The following RLF variants were observed in gnomAD, a reference collection of about 807,000 sequenced individuals.
RLF encodes RLF zinc finger.
Under a neutral mutation model 162.9 loss-of-function variants are expected in RLF, and 7 were observed. The observed-to-expected ratio is 0.04, with a 90% CI of 0.02 to 0.08. The LOEUF (loss-of-function observed/expected upper bound fraction) is 0.08. Ranked by LOEUF, RLF falls within the 10% of genes least tolerant of loss-of-function variation. The probability of loss-of-function intolerance (pLI) is 1.00; values close to 1 mark genes in which losing one functional copy is unlikely to be tolerated. For synonymous variants in RLF, 782 were observed against 791.5 expected (o/e 0.99, Z 0.20); for missense variants, 1,664 against 2,244.7 (o/e 0.74, Z 5.23).
In RLF at chr1:40,240,188, A is replaced by C. The variant is rs1228897977; in HGVS notation, c.5486A>C (p.His1829Pro). ...AGTGAACCTGAAGTTGACATACCTCATTCTTCCAGTGACTCTACAATTCAT... is the reference window on the plus strand; with the variant it reads ...AGTGAACCTGAAGTTGACATACCTCCTTCTTCCAGTGACTCTACAATTCAT... The part of the protein sequence containing the change: ...NDSEPEVDIP[H>P]SSSDSTIHEN... Residue 1829 changes from histidine to proline, a missense_variant, in exon 8 of 8, where the codon CAT (histidine) becomes CCT (proline). This residue lies in a region of RLF where 327 missense variants were observed against 342.7 expected (regional missense o/e 0.95). Transcript: ENST00000372771. 20 of 1,614,076 alleles carry C rather than the reference A, an allele frequency of 1.2e-5. No homozygotes were observed. The highest frequency in any genetic ancestry group is 1.7e-5 in the Non-Finnish European group (20 of 1,180,038).
chr1:40,167,672 T>C (rs1289800131), intron 1 of RLF, among the ~76,000 whole-genome samples: 1 of 151,750 alleles, frequency 6.6e-6, no homozygotes, highest in Non-Finnish European at 1.5e-5. Context: ...AAAATAGCAC[T>C]TCCCTATTGC....
chr1:40,171,934 A>G (rs570117376), intron 1 of RLF, among the ~76,000 whole-genome samples: 1 of 152,300 alleles, frequency 6.6e-6, no homozygotes, highest in African/African-American at 2.4e-5. Flanking sequence ...GCATATCTAT[A>G]GAATTTTTCT....
intron 5 of RLF, among the ~76,000 whole-genome samples, chr1:40,221,087 T>G (rs1293065944): frequency 6.6e-6 from 1 of 152,002 alleles, no homozygotes; most frequent in African/African-American, 2.4e-5. Flanking sequence ...GAGCCGTGAT[T>G]ACCCTAACTG....
chr1:40,239,017 C>A lies in RLF; in HGVS notation c.4315C>A (p.His1439Asn). ...MEQHNIEGEI[H>N]SDYEIHCDLN... ...ACAGCATAATATTGAAGGGGAAATA[C>A]ATTCAGATTATGAAATTCATTGTGA... The change falls in exon 8 of 8, where the codon CAT (histidine) becomes AAT (asparagine). Residue 1439 changes from histidine to asparagine, a missense_variant. Coordinates refer to ENST00000372771, the MANE Select transcript of RLF (RefSeq NM_012421.4). 6.2e-7 allele frequency: 1 copy of A among 1,614,070 alleles called. No individual in the cohort carries two copies. Among genetic ancestry groups the A allele is most frequent in the East Asian group, 2.2e-5 (1 of 44,900 alleles).
intron 5 of RLF, among the ~76,000 whole-genome samples, chr1:40,210,351 C>A (rs1642850142): frequency 6.6e-6 from 1 of 152,040 alleles, no homozygotes; most frequent in Admixed American, 6.6e-5. Context: ...TGAATTGGAG[C>A]TTTAAGTAAT....
intron 4 of RLF, among the ~76,000 whole-genome samples, chr1:40,199,790 T>C (rs1049372985): frequency 6.6e-6 from 1 of 152,056 alleles, no homozygotes; most frequent in African/African-American, 2.4e-5. Context: ...GCAGGCAGAA[T>C]AGGATATAGG....
intron 5 of RLF, among the ~76,000 whole-genome samples, chr1:40,217,862 A>G (rs1642945719): frequency 6.6e-6 from 1 of 152,220 alleles, no homozygotes; most frequent in Non-Finnish European, 1.5e-5. Context: ...CCAGCATAGT[A>G]TCACCTTTCT....
At position 40,202,503 on chromosome 1, in the gene RLF, T is replaced by C. The variant is rs1159212517; in HGVS notation, c.699T>C (p.Ala233=). 6.3e-7 allele frequency: 1 copy of C among 1,580,324 alleles called. No homozygotes were observed. Among genetic ancestry groups the C allele is most frequent in the East Asian group, 2.3e-5 (1 of 43,498 alleles). ...CTAACTGCATCCCCCAGGCTACTGC[T>C]TTATCAAAACTATGTGCAGAATCTA... ...LKSNCIPQAT[A]LSKLCAESKE... The change falls in exon 5 of 8, where the codon GCT becomes GCC. Residue 233 remains alanine (A), a synonymous_variant. Transcript: ENST00000372771.
At chr1:40,206,378 A>G (rs948166881) in intron 5 of RLF, among the ~76,000 whole-genome samples, 4 of 152,146 alleles carry the variant, frequency 2.6e-5, no homozygotes, top group African/African-American at 9.7e-5. Flanking sequence ...TTGGTGTACT[A>G]CCAGTAATAT....
At position 40,161,590 on chromosome 1, in the gene RLF, A is replaced by G. The variant is rs759973525; in HGVS notation, c.191A>G (p.Glu64Gly). ...CTGGAGACAGAGCTGAGGGAGCAAGAGGTGTCGGAGGTCTCATCTTTGAAC... is the reference window on the plus strand; with the variant it reads ...CTGGAGACAGAGCTGAGGGAGCAAGGGGTGTCGGAGGTCTCATCTTTGAAC... ...WQLETELREQ[E>G]VSEVSSLNYC... is the part of the protein sequence containing the mutation. Residue 64 changes from glutamate (E) to glycine (G), a missense_variant, in exon 1 of 8, where the codon GAG becomes GGG. This residue lies in a region of RLF where 134 missense variants were observed against 124.3 expected (regional missense o/e 1.08). Coordinates refer to ENST00000372771, the MANE Select transcript of RLF (RefSeq NM_012421.4). This position sits in a 1 kb window ranked among gnomAD's most constrained non-coding sequence, Gnocchi z 4.4. 6.2e-7 allele frequency: 1 copy of G among 1,612,648 alleles called. No homozygotes were observed. Among genetic ancestry groups the G allele is most frequent in the Middle Eastern group, 1.7e-4 (1 of 6,036 alleles).
chr1:40,202,128 A>G (rs957202768), intron 4 of RLF, among the ~76,000 whole-genome samples: 2 of 152,182 alleles, frequency 1.3e-5, no homozygotes, highest in Non-Finnish European at 2.9e-5. Flanking sequence ...AAAAATATGC[A>G]GCTTAAAACT....
At chr1:40,221,133 T>TA (rs1042498906) in intron 5 of RLF, among the ~76,000 whole-genome samples, 4 of 151,818 alleles carry the variant, frequency 2.6e-5, no homozygotes, top group African/African-American at 4.8e-5. Context: ...GACACTGTCT[T>TA]AAAAAAACTA....
At chr1:40,172,837 C>T (rs1642264430) in intron 1 of RLF, among the ~76,000 whole-genome samples, 1 of 152,024 alleles carries the variant, frequency 6.6e-6, no homozygotes, top group Non-Finnish European at 1.5e-5. Context: ...CTATCCTGGG[C>T]AACAGAGCGA....
At chr1:40,208,877 T>C (rs1642831981) in intron 5 of RLF, among the ~76,000 whole-genome samples, 1 of 152,176 alleles carries the variant, frequency 6.6e-6, no homozygotes, top group African/African-American at 2.4e-5. Flanking sequence ...ATGATATTAC[T>C]GGCGCATAGT....
chr1:40,209,000 A>G (rs1163020380), intron 5 of RLF, among the ~76,000 whole-genome samples: 2 of 152,112 alleles, frequency 1.3e-5, no homozygotes, highest in Non-Finnish European at 2.9e-5. Flanking sequence ...ACATGATCCA[A>G]CTCACTGTCA....
intron 3 of RLF, among the ~76,000 whole-genome samples, chr1:40,193,753 TTGGGTGGGTGTG>T (rs1186058265): frequency 6.6e-6 from 1 of 151,920 alleles, no homozygotes; most frequent in Non-Finnish European, 1.5e-5. Context: ...ATGCAACATA[TTGGGTGGGTGTG>T]TGGGTGGGTG....
intron 1 of RLF, among the ~76,000 whole-genome samples, chr1:40,171,916 T>A (rs1245314126): frequency 6.6e-6 from 1 of 152,138 alleles, no homozygotes; most frequent in Non-Finnish European, 1.5e-5. Context: ...TGTTAACAGT[T>A]TAGGAATGCA....
intron 1 of RLF, among the ~76,000 whole-genome samples, chr1:40,180,050 G>A (rs1289895068): frequency 1.3e-5 from 2 of 152,152 alleles, no homozygotes; most frequent in East Asian, 3.9e-4. Flanking sequence ...GTGAACACGC[G>A]TGTACAAATA....
intron 5 of RLF, among the ~76,000 whole-genome samples, chr1:40,211,822 G>A (rs546657563): frequency 2.0e-5 from 3 of 152,058 alleles, no homozygotes; most frequent in South Asian, 4.2e-4. Context: ...GGGTTTCACC[G>A]TTTCTACTGG....
Sources: allele counts gnomAD v4.1 joint callset (sites outside exome capture counted in the v4.1 genomes callset), GRCh38; gene constraint gnomAD v4.1.1; regional missense constraint gnomAD v4.1.1; non-coding constraint Gnocchi (gnomAD v3.1); transcripts MANE v1.5; gene names NCBI Gene and HGNC (gene_info 2026-07-23, HGNC 2026-07-21).